Variants in SOX5 observed in about 807,000 individuals in gnomAD.
The protein encoded by SOX5 is transcription factor SOX-5.
A neutral mutation model predicts 92.0 loss-of-function variants in SOX5; 9 were observed. The observed-to-expected ratio is 0.10, with a 90% CI of 0.06 to 0.17. The LOEUF (loss-of-function observed/expected upper bound fraction) is 0.17, where lower values mean the gene tolerates loss of function less well. Ranked by LOEUF, SOX5 falls within the 10% of genes least tolerant of loss-of-function variation. The probability of loss-of-function intolerance (pLI) is 1.00; values close to 1 mark genes in which losing one functional copy is unlikely to be tolerated. For missense variants in SOX5, 642 were observed against 944.5 expected (o/e 0.68, Z 4.20); for synonymous variants, 344 against 336.3 (o/e 1.02, Z -0.25).
chr12:23,586,197 GACA>G (rs1484545180), intron 9 of SOX5, among the ~76,000 whole-genome samples: 1 of 152,084 alleles, frequency 6.6e-6, no homozygotes, highest in East Asian at 1.9e-4. Flanking sequence ...CCTCGAGTAA[GACA>G]ACAAGGCCAC....
At chr12:24,420,884 T>C (rs1005594341) in intron 1 of SOX5, among the ~76,000 whole-genome samples, 1 of 151,976 alleles carries the variant, frequency 6.6e-6, no homozygotes, top group African/African-American at 2.4e-5. Flanking sequence ...TTTCAGAAAA[T>C]ATGAAGGACA....
chr12:24,476,457 A>T (rs141884497), intron 1 of SOX5, among the ~76,000 whole-genome samples: 1 of 152,178 alleles, frequency 6.6e-6, no homozygotes, highest in African/African-American at 2.4e-5. Flanking sequence ...ACAGTGGCCA[A>T]TTTGGGGTCA....
intron 1 of SOX5, among the ~76,000 whole-genome samples, chr12:24,403,523 AT>A (rs2097995085): frequency 6.6e-6 from 1 of 152,190 alleles, no homozygotes; most frequent in Non-Finnish European, 1.5e-5. Flanking sequence ...TTTTACTCTT[AT>A]TTTAAAATAT....
chr12:23,957,802 C>T (rs561613305), intron 4 of SOX5, among the ~76,000 whole-genome samples: 3 of 152,058 alleles, frequency 2.0e-5, no homozygotes, highest in Non-Finnish European at 4.4e-5. Context: ...AATTACTCAA[C>T]AAGCATTTAT....
intron 4 of SOX5, among the ~76,000 whole-genome samples, chr12:24,101,480 G>T (rs1593169967): frequency 6.6e-6 from 1 of 151,932 alleles, no homozygotes; most frequent in Non-Finnish European, 1.5e-5. Flanking sequence ...CTTAATTATT[G>T]TCTACTTGCC....
chr12:24,217,943 C>G (rs1959421374), intron 3 of SOX5, among the ~76,000 whole-genome samples: 1 of 152,140 alleles, frequency 6.6e-6, no homozygotes, highest in African/African-American at 2.4e-5. Flanking sequence ...TATATATCCA[C>G]TAGGATGGCT....
At chr12:24,109,786 T>C (rs994623276) in intron 4 of SOX5, among the ~76,000 whole-genome samples, 1 of 152,166 alleles carries the variant, frequency 6.6e-6, no homozygotes, top group African/African-American at 2.4e-5. Flanking sequence ...ATGTTGAAAA[T>C]ATTTTCATTT....
chr12:24,384,195 A>T (rs892580344), intron 1 of SOX5, among the ~76,000 whole-genome samples: 6 of 152,154 alleles, frequency 3.9e-5, no homozygotes, highest in Non-Finnish European at 1.5e-5. Flanking sequence ...GAACAGACTA[A>T]CACAGTTAGA....
chr12:24,306,494 A>G (rs1362331981), intron 2 of SOX5, among the ~76,000 whole-genome samples: 2 of 152,202 alleles, frequency 1.3e-5, no homozygotes, highest in Non-Finnish European at 2.9e-5. Flanking sequence ...ACACTTTCCC[A>G]TGACCATAAG....
In SOX5 at chr12:24,312,213, C is replaced by CAA. The variant is rs150729413; in HGVS notation, c.-173-34902_-173-34901insTT. On this transcript the variant is annotated intron_variant, in intron 2 of 4. Transcript: ENST00000446891. ...GTGCAGAAAATTTCTGAGCTTTCTG[C>CAA]AGTTTTAATCTAAACTTTTTTTGTA... Among the ~76,000 whole-genome samples the CAA allele has an allele frequency of 6.3e-3, 965 of 152,294 alleles. 9 individuals carry two copies. The highest frequency in any genetic ancestry group is 0.022 in the African/African-American group (915 of 41,552).
intron 1 of SOX5, among the ~76,000 whole-genome samples, chr12:24,556,142 A>G: frequency 6.6e-6 from 1 of 152,192 alleles, no homozygotes; most frequent in African/African-American, 2.4e-5. Context: ...CTTGCCTCAT[A>G]GTCAAAAGGC....
intron 6 of SOX5, among the ~76,000 whole-genome samples, chr12:23,701,179 T>A (rs1270902174): frequency 6.6e-6 from 1 of 152,030 alleles, no homozygotes; most frequent in East Asian, 1.9e-4. Flanking sequence ...TTATTAATTT[T>A]ATTTTATTTT....
At chr12:24,042,771 T>C (rs1464400958) in intron 4 of SOX5, among the ~76,000 whole-genome samples, 1 of 152,160 alleles carries the variant, frequency 6.6e-6, no homozygotes, top group African/African-American at 2.4e-5. Context: ...CCAATGGATA[T>C]ATATTTTTCA....
intron 6 of SOX5, among the ~76,000 whole-genome samples, chr12:23,710,101 T>TTACA (rs1200844660): frequency 6.6e-6 from 1 of 152,012 alleles, no homozygotes; most frequent in Non-Finnish European, 1.5e-5. Context: ...GGATAATAGG[T>TTACA]TACATACAGA....
chr12:24,114,669 G>T (rs2138208142), intron 4 of SOX5, among the ~76,000 whole-genome samples: 1 of 151,556 alleles, frequency 6.6e-6, no homozygotes, highest in East Asian at 1.9e-4. Flanking sequence ...TGGGCATAGG[G>T]GTTCACGCCT....
chr12:23,570,923 AAAAAAAAATATATATATATATATATAT>A (rs1293450863), intron 10 of SOX5, among the ~76,000 whole-genome samples: 26 of 42,214 alleles, frequency 6.2e-4, no homozygotes, highest in African/African-American at 1.9e-3. Context: ...AAAAAAAAAA[AAAAAAAAATATATATATATATATATAT>A]ATATATATAT....
chr12:23,647,311 T>A (rs948156742), intron 7 of SOX5, among the ~76,000 whole-genome samples: 11 of 152,242 alleles, frequency 7.2e-5, no homozygotes, highest in African/African-American at 2.7e-4. Context: ...AATCACGCTG[T>A]CAATAGATGT....
Position 24,356,581 on chromosome 12 carries a change from A to C in SOX5, c.-174+11982T>G, listed in dbSNP as rs77276105. Reference sequence around the variant, plus strand: ...TCTGCCAAACACAGATATTGAGGAGATACTTCACTCCTCCTGTCAGCTCAC... The same window carrying C: ...TCTGCCAAACACAGATATTGAGGAGCTACTTCACTCCTCCTGTCAGCTCAC... On this transcript the variant is annotated intron_variant, in intron 2 of 4. Coordinates refer to the SOX5 transcript ENST00000446891. Among the ~76,000 whole-genome samples the C allele has an allele frequency of 1.8e-4, 27 of 152,122 alleles. No individual in the cohort carries two copies. The East Asian group carries it at 5.2e-3, about 29-fold the overall frequency.
chr12:23,968,295 A>G (rs1387697289), intron 4 of SOX5, among the ~76,000 whole-genome samples: 8 of 152,194 alleles, frequency 5.3e-5, no homozygotes, highest in Non-Finnish European at 1.0e-4. Flanking sequence ...AGTGACCTCT[A>G]TATTACTAAA....
Sources: gnomAD v4.1 joint callset for allele counts (sites outside exome capture counted in the v4.1 genomes callset) on GRCh38, gnomAD v4.1.1 for gene constraint, MANE v1.5 for transcripts, NCBI Gene and HGNC (gene_info 2026-07-23, HGNC 2026-07-21) for gene names.